The following NECAB2 variants were observed in gnomAD, a reference collection of about 807,000 sequenced individuals.
NECAB2 encodes the protein N-terminal EF-hand calcium-binding protein 2.
In NECAB2, 68 loss-of-function variants were observed where a neutral mutation model predicts 51.9. That is an observed-to-expected ratio of 1.31 (90% CI 1.08 to 1.60). The LOEUF (loss-of-function observed/expected upper bound fraction) is 1.60, where lower values mean the gene tolerates loss of function less well. NECAB2 is among the 40% of genes most tolerant of loss of function. The pLI, the probability that NECAB2 is intolerant of heterozygous loss-of-function variation, is 0.00. For synonymous variants in NECAB2, 329 were observed against 203.5 expected, an observed-to-expected ratio of 1.62 and a Z score of -5.25; for missense variants, 854 against 490.3, an observed-to-expected ratio of 1.74 and a Z score of -7.00.
chr16:83,998,332 G>T lies in NECAB2; in HGVS notation c.962+15G>T, dbSNP rs375836441. 1 of 1,611,184 alleles carries T rather than the reference G, an allele frequency of 6.2e-7. No individual in the cohort carries two copies. Among genetic ancestry groups the T allele is most frequent in the African/African-American group, 1.3e-5 (1 of 74,890 alleles). ...AACTGCTTCCAGTGAGTGAGCTGCCGAGGCGTGGGTGGGATGGTGGCAGGG... is the reference window on the plus strand; with the variant it reads ...AACTGCTTCCAGTGAGTGAGCTGCCTAGGCGTGGGTGGGATGGTGGCAGGG... On this transcript the variant is annotated intron_variant, in intron 10 of 12. Coordinates refer to ENST00000305202, the MANE Select transcript of NECAB2 (RefSeq NM_019065.3).
rs758639488 is a variant in NECAB2, at chr16:83,980,893, A to G, written c.361+29A>G. On this transcript the variant is annotated intron_variant, in intron 4 of 12. Coordinates refer to ENST00000305202, the MANE Select transcript of NECAB2 (RefSeq NM_019065.3). ...GGTGCCTGGCTATGCTGGGACCAAG[A>G]TGGGGATGCTGGGATGGGGCTGGAT... 7 of 1,613,362 alleles carry G rather than the reference A, an allele frequency of 4.3e-6. No homozygotes were observed. In the African/African-American group the frequency reaches 8.0e-5, roughly 18 times the overall value.
chr16:83,974,036 CCA>C (rs142618482), intron 2 of NECAB2, among the ~76,000 whole-genome samples: 10 of 118,686 alleles, frequency 8.4e-5, no homozygotes, highest in African/African-American at 7.0e-4. Context: ...GGCCATGTGT[CCA>C]CCCCCTGAGC....
At position 84,002,369 on chromosome 16, in the gene NECAB2, G is replaced by A. The variant is rs200626213; in HGVS notation, c.*23G>A. 1.9e-6 allele frequency: 3 copies of A among 1,612,666 alleles called. No homozygotes were observed. The highest frequency in any genetic ancestry group is 1.7e-6 in the Non-Finnish European group (2 of 1,179,154). On this transcript the variant is annotated 3_prime_UTR_variant, in exon 13 of 13. Coordinates refer to ENST00000305202, the MANE Select transcript of NECAB2 (RefSeq NM_019065.3). The stretch of plus-strand genomic sequence containing the variant: ...TGACAGCCTCCCAGAGGCCCGTGGA[G>A]GAGCCCACCAGCCCCTTCTTCTTGT...
rs566710334 is a variant in NECAB2 at position 83,996,694 on chromosome 16, C to T, written c.796-522C>T. On this transcript the variant is annotated intron_variant, in intron 8 of 12. Transcript: ENST00000305202. ...CTGCCGTGACATAGTGACTGTTGAT[C>T]TTCTGTGGGGGCTCAGCCCTGTGTG... is the stretch of plus-strand genomic sequence containing the variant. 1.2e-4 allele frequency among the ~76,000 whole-genome samples: 19 copies of T among 152,246 alleles called. 1 individual carries two copies. The East Asian group carries it at 3.5e-3, about 28-fold the overall frequency.
chr16:83,994,742 A>T (rs905692544), intron 8 of NECAB2, 54 bp downstream of exon 8: 2 of 1,592,086 alleles, frequency 1.3e-6, no homozygotes, highest in Admixed American at 3.4e-5. Flanking sequence ...GAGGGAGTGC[A>T]GAGTTAAGCC....
At chr16:83,981,160 G>GGCTCCAGT (rs1812916448) in intron 5 of NECAB2, 33 bp downstream of exon 5, 1 of 1,573,020 alleles carries the variant, frequency 6.4e-7, no homozygotes, top group Admixed American at 1.7e-5. Context: ...CGGGGTCCAG[G>GGCTCCAGT]GCTCCAGTGC....
rs191096243 is a variant in NECAB2 at position 83,998,161 on chromosome 16, G to T, written c.850-44G>T. ...GGCCTGATGGGGTGTTTAGGGAGAA[G>T]GCCTGACGTGGAGCCCCACACTGAC... On this transcript the variant is annotated intron_variant, in intron 9 of 12. Coordinates refer to ENST00000305202, the MANE Select transcript of NECAB2 (RefSeq NM_019065.3). The T allele has an allele frequency of 1.6e-3, 2,537 of 1,575,866 alleles. 7 individuals carry two copies. The highest frequency in any genetic ancestry group is 2.8e-3 in the Admixed American group (162 of 58,798).
chr16:84,002,060 C>T, intron 12 of NECAB2, 144 bp downstream of exon 12: 1 of 1,098,712 alleles, frequency 9.1e-7, no homozygotes, highest in African/African-American at 1.6e-5. Flanking sequence ...AGGCTCAGAG[C>T]CAGCCCTGAG....
At position 83,988,665 on chromosome 16, in the gene NECAB2, T is replaced by G. The variant is rs147460675; in HGVS notation, c.460-1829T>G. ...TTAGGACAAACTCTTAAGCATTGTT[T>G]GCAGAAAAGGTGCTCATCTGGTAAA... On this transcript the variant is annotated intron_variant, in intron 5 of 12. Transcript: ENST00000305202. 4.3e-3 allele frequency among the ~76,000 whole-genome samples: 660 copies of G among 152,322 alleles called. 4 individuals carry two copies. Among genetic ancestry groups the G allele is most frequent in the African/African-American group, 0.015 (610 of 41,566 alleles).
intron 10 of NECAB2, among the ~76,000 whole-genome samples, chr16:83,999,046 C>G (rs546676228): frequency 6.6e-6 from 1 of 150,802 alleles, no homozygotes; most frequent in Admixed American, 6.6e-5. Flanking sequence ...CCAGAGCACA[C>G]ACTCATTCAC....
chr16:83,994,549 C>G (rs989469883), intron 7 of NECAB2, 60 bp from the exon 8 acceptor site: 1 of 1,604,766 alleles, frequency 6.2e-7, no homozygotes, highest in African/African-American at 1.3e-5. Flanking sequence ...TTTCCAGCTT[C>G]CCCCCGAAGC....
In NECAB2 at chr16:83,998,196, G is replaced by A. The variant is rs763730403; in HGVS notation, c.850-9G>A. On this transcript the variant is annotated splice_polypyrimidine_tract_variant and intron_variant, in intron 9 of 12. Transcript: ENST00000305202. ...GGAGCCCCACACTGACTCCTGCTGT[G>A]CCCGGCAGCACCTGCAGCTGGTCCG... The A allele has an allele frequency of 4.8e-5, 77 of 1,606,414 alleles. No homozygotes were observed. Among genetic ancestry groups the A allele is most frequent in the Non-Finnish European group, 6.2e-5 (73 of 1,179,706 alleles).
At chr16:83,977,234 G>T (rs1046324232) in intron 2 of NECAB2, among the ~76,000 whole-genome samples, 1 of 152,304 alleles carries the variant, frequency 6.6e-6, no homozygotes, top group Non-Finnish European at 1.5e-5. Flanking sequence ...ACTGTCATGG[G>T]CTCCCTCTTG....
At position 84,001,935 on chromosome 16, in the gene NECAB2, G is replaced by T. The variant is rs201544501; in HGVS notation, c.1132+19G>T. 1 of 1,611,196 alleles carries T rather than the reference G, an allele frequency of 6.2e-7. No individual in the cohort carries two copies. The highest frequency in any genetic ancestry group is 1.3e-5 in the African/African-American group (1 of 74,896). The stretch of plus-strand genomic sequence containing the variant: ...GTGCCAGGTAGGGGGCAAAGGCCTG[G>T]AACTGCAGTGGCCACCTGACTGGAG... On this transcript the variant is annotated intron_variant, in intron 12 of 12. Coordinates refer to ENST00000305202, the MANE Select transcript of NECAB2 (RefSeq NM_019065.3).
chr16:84,001,676 C>G (rs1254325356), intron 11 of NECAB2, 149 bp from the exon 12 acceptor site: 10 of 637,954 alleles, frequency 1.6e-5, no homozygotes, highest in Non-Finnish European at 2.1e-5. Context: ...TGGGCACCCC[C>G]TCACCTTCCC....
At chr16:83,989,419 G>A (rs528501891) in intron 5 of NECAB2, among the ~76,000 whole-genome samples, 31 of 152,310 alleles carry the variant, frequency 2.0e-4, no homozygotes, top group African/African-American at 6.3e-4. Context: ...TCTGTCAGCC[G>A]TGTTTCCCAT....
At chr16:83,965,698 C>T (rs749774734), upstream of NECAB2, 8 of 1,613,566 alleles carry the variant, frequency 5.0e-6, no homozygotes, top group East Asian at 2.2e-5. Flanking sequence ...ACTGCCAGGC[C>T]GTGTTCCAGG....
At chr16:83,978,383 C>A in intron 2 of NECAB2, 61 bp from the exon 3 acceptor site, 2 of 1,401,464 alleles carry the variant, frequency 1.4e-6, no homozygotes, top group South Asian at 1.2e-5. Flanking sequence ...CGTGCATGCA[C>A]TAGCCCCACC....
intron 1 of NECAB2, among the ~76,000 whole-genome samples, chr16:83,969,137 C>A (rs1455139044): frequency 6.6e-6 from 1 of 151,696 alleles, no homozygotes; most frequent in Admixed American, 6.6e-5. Flanking sequence ...GCCCCCGGAC[C>A]CGGCCACTGT....
Sources: gnomAD v4.1 joint callset for allele counts (sites outside exome capture counted in the v4.1 genomes callset) on GRCh38, gnomAD v4.1.1 for gene constraint, MANE v1.5 for transcripts, NCBI Gene and HGNC (gene_info 2026-07-23, HGNC 2026-07-21) for gene names.